The following CPM variants were observed in gnomAD, a reference collection of about 807,000 sequenced individuals.
CPM encodes the protein renal carboxypeptidase.
Under a neutral mutation model 46.4 loss-of-function variants are expected in CPM, and 35 were observed. The ratio of observed to expected loss-of-function variants is 0.75; its 90% CI spans 0.58 to 1.00. The LOEUF is 1.00. Ranked by LOEUF, CPM falls within the 50% of genes least tolerant of loss-of-function variation. CPM has a pLI of 0.00. For missense variants in CPM, 422 were observed against 530.4 expected (o/e 0.80, Z 2.01); for synonymous variants, 195 against 195.3 (o/e 1.00, Z 0.01).
rs796369604 is a variant in CPM at position 68,896,912 on chromosome 12, G to GA, written c.161-11024dup. Among the ~76,000 whole-genome samples, 1,130 of 144,784 alleles carry GA rather than the reference G, an allele frequency of 7.8e-3. 18 individuals are homozygous for GA. The highest frequency in any genetic ancestry group is 0.026 in the African/African-American group (1,027 of 39,982). 95.0% of individuals were successfully genotyped at this position (144,784 alleles called of 152,430 possible). ...ATTAGGGACAGTTACGTTTTTAATT[G>GA]AAAAAAAAAAATAGAGGAAAAATCT... On this transcript the variant is annotated intron_variant, in intron 2 of 8. Coordinates refer to ENST00000551568, the MANE Select transcript of CPM (RefSeq NM_198320.5).
intron 1 of CPM, among the ~76,000 whole-genome samples, chr12:68,953,583 C>T (rs1236491613): frequency 6.6e-6 from 1 of 152,158 alleles, no homozygotes; most frequent in African/African-American, 2.4e-5. Flanking sequence ...AACATTGCCC[C>T]ATGAGTGCCT....
intron 2 of CPM, among the ~76,000 whole-genome samples, chr12:68,902,925 T>C (rs1279386650): frequency 6.6e-6 from 1 of 152,176 alleles, no homozygotes; most frequent in Admixed American, 6.5e-5. Context: ...ATCTCCCATG[T>C]CCCTCTCCCC....
downstream of CPM, chr12:68,847,147 C>CATATAT (rs63483363): frequency 8.3e-6 from 1 of 120,620 alleles, no homozygotes; most frequent in South Asian, 2.3e-4. Flanking sequence ...ACATATATTA[C>CATATAT]ATATATATAT....
chr12:68,897,854 G>A lies in CPM; in HGVS notation c.161-11965C>T, dbSNP rs574409560. Among the ~76,000 whole-genome samples the A allele has an allele frequency of 2.8e-4, 43 of 151,386 alleles. 1 individual carries two copies. The South Asian group carries it at 8.8e-3, about 31-fold the overall frequency. The stretch of plus-strand genomic sequence containing the variant: ...CATTCCGGTTCAGTGTTGAGGTTTT[G>A]TTTCTTGCTGCCCTATTGGTCTCAC... On this transcript the variant is annotated intron_variant, in intron 2 of 8. Coordinates refer to ENST00000551568, the MANE Select transcript of CPM (RefSeq NM_198320.5).
At chr12:68,881,681 C>T (rs1327693680) in intron 3 of CPM, among the ~76,000 whole-genome samples, 2 of 151,434 alleles carry the variant, frequency 1.3e-5, no homozygotes, top group African/African-American at 2.4e-5. Flanking sequence ...TTTGTTTATA[C>T]TTTTTCTAAC....
chr12:68,912,610 T>C (rs770920978), intron 2 of CPM, among the ~76,000 whole-genome samples: 2 of 152,172 alleles, frequency 1.3e-5, no homozygotes, highest in Non-Finnish European at 2.9e-5. Flanking sequence ...GATCACACCA[T>C]GACCTATGAG....
At chr12:68,866,307 AATT>A (rs1362614937) in intron 7 of CPM, among the ~76,000 whole-genome samples, 1 of 151,916 alleles carries the variant, frequency 6.6e-6, no homozygotes, top group African/African-American at 2.4e-5. Flanking sequence ...CAACATGTAA[AATT>A]AGGGGGACTC....
At chr12:68,885,225 G>A (rs1337098112) in intron 3 of CPM, among the ~76,000 whole-genome samples, 2 of 152,208 alleles carry the variant, frequency 1.3e-5, no homozygotes, top group Non-Finnish European at 2.9e-5. Flanking sequence ...GATTATAGGT[G>A]TGAGCCACTG....
chr12:68,888,514 A>C (rs1464021766), intron 2 of CPM, among the ~76,000 whole-genome samples: 1 of 152,240 alleles, frequency 6.6e-6, no homozygotes, highest in East Asian at 1.9e-4. Context: ...TGCCCTCTCC[A>C]GCTTACTGGC....
chr12:68,934,059 C>CGT (rs1888620557), upstream of CPM, among the ~76,000 whole-genome samples: 1 of 152,116 alleles, frequency 6.6e-6, no homozygotes, highest in Non-Finnish European at 1.5e-5. Context: ...GGCCAACCCC[C>CGT]TCTACCTCTC....
At chr12:68,871,209 C>T (rs897687967) in intron 4 of CPM, among the ~76,000 whole-genome samples, 1 of 152,194 alleles carries the variant, frequency 6.6e-6, no homozygotes. Context: ...ATAAATCAAC[C>T]GGTCATTACC....
chr12:68,920,460 A>G (rs1887987595), intron 2 of CPM, among the ~76,000 whole-genome samples: 1 of 152,166 alleles, frequency 6.6e-6, no homozygotes, highest in African/African-American at 2.4e-5. Flanking sequence ...ACAATGGACA[A>G]GGGAATAAAT....
At chr12:68,893,357 G>A (rs1886736047) in intron 2 of CPM, among the ~76,000 whole-genome samples, 1 of 152,146 alleles carries the variant, frequency 6.6e-6, no homozygotes, top group East Asian at 1.9e-4. Flanking sequence ...GCAAAGCTGA[G>A]AGCCTGTACA....
chr12:68,864,992 G>A (rs1215011205), intron 7 of CPM, among the ~76,000 whole-genome samples: 1 of 152,148 alleles, frequency 6.6e-6, no homozygotes, highest in African/African-American at 2.4e-5. Flanking sequence ...TCCAGCCTGG[G>A]TGACAGAGTG....
At chr12:68,950,713 G>A (rs1038967698) in intron 1 of CPM, among the ~76,000 whole-genome samples, 10 of 152,242 alleles carry the variant, frequency 6.6e-5, no homozygotes, top group Non-Finnish European at 1.3e-4. Context: ...TTCAGCTTCC[G>A]CGACCCCCAG....
At position 68,851,995 on chromosome 12, in the gene CPM, C is replaced by A. The variant is rs2136205830; in HGVS notation, c.*4442G>T. 1 of 152,316 alleles carries A rather than the reference C, an allele frequency of 6.6e-6. No individual in the cohort carries two copies. The highest frequency in any genetic ancestry group is 1.5e-5 in the Non-Finnish European group (1 of 68,036). 9.4% of individuals were successfully genotyped at this position (152,316 alleles called of 1,614,324 possible). On this transcript the variant is annotated 3_prime_UTR_variant, in exon 9 of 9. Coordinates refer to ENST00000551568, the MANE Select transcript of CPM (RefSeq NM_198320.5). ...TATTGCAGTAAGACAATATGCTATG[C>A]TTATCTTTCTGGATTCCCCAGGAAG... is the stretch of plus-strand genomic sequence containing the variant.
chr12:68,921,710 T>G (rs911810003), intron 2 of CPM, among the ~76,000 whole-genome samples: 1 of 152,160 alleles, frequency 6.6e-6, no homozygotes, highest in African/African-American at 2.4e-5. Context: ...CTCTAAGTTA[T>G]CATATTATTT....
intron 2 of CPM, among the ~76,000 whole-genome samples, chr12:68,917,848 T>A (rs138035275): frequency 1.6e-3 from 251 of 152,288 alleles, no homozygotes; most frequent in African/African-American, 5.8e-3. Context: ...TGGGCTTTCC[T>A]GGGTGGAGGC....
At chr12:68,883,790 T>C (rs1320310678) in intron 3 of CPM, among the ~76,000 whole-genome samples, 1 of 151,954 alleles carries the variant, frequency 6.6e-6, no homozygotes, top group Non-Finnish European at 1.5e-5. Context: ...ATGCCATATG[T>C]CTCTTGTTAC....
Sources: allele counts gnomAD v4.1 joint callset (sites outside exome capture counted in the v4.1 genomes callset), GRCh38; gene constraint gnomAD v4.1.1; transcripts MANE v1.5; gene names NCBI Gene and HGNC (gene_info 2026-07-23, HGNC 2026-07-21).